Variants in B3GALT1 observed in about 807,000 individuals in gnomAD.
The protein encoded by B3GALT1 is beta-1,3-galactosyltransferase 1.
In B3GALT1, 10 loss-of-function variants were observed where a neutral mutation model predicts 23.2. That is an observed-to-expected ratio of 0.43 (90% CI 0.27 to 0.73). The LOEUF (loss-of-function observed/expected upper bound fraction) is 0.73. Ranked by LOEUF, B3GALT1 falls within the 30% of genes least tolerant of loss-of-function variation. B3GALT1 has a pLI of 0.21. For synonymous variants in B3GALT1, 156 were observed against 141.5 expected (o/e 1.10, Z -0.73); for missense variants, 299 against 405.4 (o/e 0.74, Z 2.25).
intron 3 of B3GALT1, among the ~76,000 whole-genome samples, chr2:167,750,639 T>C (rs1247436082): frequency 1.3e-5 from 2 of 150,434 alleles, no homozygotes; most frequent in South Asian, 2.1e-4. Flanking sequence ...TGACTAATCA[T>C]GAAAGTCCTT....
At chr2:167,510,361 A>AT (rs1160587738) in intron 2 of B3GALT1, among the ~76,000 whole-genome samples, 1 of 144,806 alleles carries the variant, frequency 6.9e-6, no homozygotes. Context: ...AATTTATGTG[A>AT]TTTTTTAATG....
rs562653043 is a variant in B3GALT1, at chr2:167,773,920, A to G, written c.-351-44752A>G. Among the ~76,000 whole-genome samples, 9 of 152,352 alleles carry G rather than the reference A, an allele frequency of 5.9e-5. No individual in the cohort carries two copies. The East Asian group carries it at 1.7e-3, about 29-fold the overall frequency. On this transcript the variant is annotated intron_variant, in intron 3 of 4. Coordinates refer to ENST00000392690, the MANE Select transcript of B3GALT1 (RefSeq NM_020981.4). ...TAGAGGATGGCCAGCCCAAGCCTGG[A>G]TGTGTTTTCAGTGAGCTAATTGAAA...
intron 3 of B3GALT1, among the ~76,000 whole-genome samples, chr2:167,703,496 T>C (rs1197546643): frequency 1.2e-5 from 1 of 82,876 alleles, no homozygotes; most frequent in Non-Finnish European, 2.4e-5. Context: ...ACTGAAGGAT[T>C]AAAATTAAGG....
chr2:167,450,132 T>C (rs1322317044), intron 1 of B3GALT1, among the ~76,000 whole-genome samples: 2 of 152,190 alleles, frequency 1.3e-5, no homozygotes, highest in Non-Finnish European at 2.9e-5. Context: ...GAATTCCTTC[T>C]TTCTATTTTG....
At chr2:167,624,006 A>G (rs1017389028) in intron 2 of B3GALT1, among the ~76,000 whole-genome samples, 1 of 152,022 alleles carries the variant, frequency 6.6e-6, no homozygotes, top group African/African-American at 2.4e-5. Flanking sequence ...GGTATTGGGA[A>G]GTCTTAAAGT....
intron 3 of B3GALT1, among the ~76,000 whole-genome samples, chr2:167,741,800 A>G (rs922220962): frequency 6.6e-6 from 1 of 152,204 alleles, no homozygotes; most frequent in Non-Finnish European, 1.5e-5. Flanking sequence ...AATCTTGACT[A>G]CAATAATGGA....
At chr2:167,591,569 G>A (rs1208856263) in intron 2 of B3GALT1, among the ~76,000 whole-genome samples, 1 of 152,058 alleles carries the variant, frequency 6.6e-6, no homozygotes, top group African/African-American at 2.4e-5. Flanking sequence ...TCCTGGGCTC[G>A]AGCAATCCTC....
intron 4 of B3GALT1, among the ~76,000 whole-genome samples, chr2:167,843,907 C>A (rs1193197981): frequency 1.3e-5 from 2 of 152,174 alleles, no homozygotes; most frequent in East Asian, 3.8e-4. Flanking sequence ...GACACCAAAA[C>A]TGAGGCATGT....
rs1171581522 is a variant in B3GALT1, at chr2:167,705,579, G to A, written c.-352+58613G>A. Reference sequence around the variant, plus strand: ...GAGGCTAACCTCATAAAATAAAACTGATCAGATTGTAAAGTCAGAGTCCAG... The same window carrying A: ...GAGGCTAACCTCATAAAATAAAACTAATCAGATTGTAAAGTCAGAGTCCAG... On this transcript the variant is annotated intron_variant, in intron 3 of 4. Transcript: ENST00000392690. Among the ~76,000 whole-genome samples, 16 of 152,236 alleles carry A rather than the reference G, an allele frequency of 1.1e-4. No homozygotes were observed. In the East Asian group the frequency reaches 3.1e-3, roughly 29 times the overall value.
chr2:167,364,026 T>C (rs1324726045), intron 1 of B3GALT1, among the ~76,000 whole-genome samples: 1 of 151,854 alleles, frequency 6.6e-6, no homozygotes, highest in Non-Finnish European at 1.5e-5. Context: ...TAGCCAGGCA[T>C]GGCGGCTGGC....
intron 3 of B3GALT1, among the ~76,000 whole-genome samples, chr2:167,787,457 C>T: frequency 6.6e-6 from 1 of 152,160 alleles, no homozygotes; most frequent in Non-Finnish European, 1.5e-5. Flanking sequence ...GTAGGATGTA[C>T]CAGCCAAATT....
At chr2:167,641,532 G>A (rs577208660) in intron 2 of B3GALT1, among the ~76,000 whole-genome samples, 2 of 152,274 alleles carry the variant, frequency 1.3e-5, no homozygotes, top group Admixed American at 6.5e-5. Context: ...TTAAAACAAT[G>A]TTTTGCAGCT....
intron 1 of B3GALT1, among the ~76,000 whole-genome samples, chr2:167,349,073 G>A (rs1219479795): frequency 6.6e-6 from 1 of 152,080 alleles, no homozygotes; most frequent in East Asian, 1.9e-4. Context: ...TGGTGAAATA[G>A]GTAACTGTAT....
At chr2:167,316,990 T>G (rs1696730220) in intron 1 of B3GALT1, among the ~76,000 whole-genome samples, 1 of 152,036 alleles carries the variant, frequency 6.6e-6, no homozygotes, top group South Asian at 2.1e-4. Context: ...GTTTAACAAT[T>G]TCGAGTTTCT....
At chr2:167,802,486 A>G (rs1023506400) in intron 3 of B3GALT1, among the ~76,000 whole-genome samples, 1 of 152,232 alleles carries the variant, frequency 6.6e-6, no homozygotes, top group Admixed American at 6.5e-5. Context: ...GGTCTAGAGA[A>G]TGAAAAGAAA....
intron 1 of B3GALT1, among the ~76,000 whole-genome samples, chr2:167,302,239 AT>A (rs1696460079): frequency 6.6e-6 from 1 of 152,186 alleles, no homozygotes; most frequent in Non-Finnish European, 1.5e-5. Flanking sequence ...AAATATTAAC[AT>A]TTGTTATTTT....
At chr2:167,854,844 G>A (rs929243323) in intron 4 of B3GALT1, among the ~76,000 whole-genome samples, 1 of 152,110 alleles carries the variant, frequency 6.6e-6, no homozygotes, top group African/African-American at 2.4e-5. Flanking sequence ...GCTAGTAAGG[G>A]GCAGAGCCTT....
intron 3 of B3GALT1, among the ~76,000 whole-genome samples, chr2:167,759,755 C>G (rs1427865449): frequency 2.0e-5 from 3 of 152,110 alleles, no homozygotes; most frequent in Non-Finnish European, 4.4e-5. Context: ...CGGGGAAAAA[C>G]TGAAACATGC....
chr2:167,351,653 C>T (rs1697310547), intron 1 of B3GALT1, among the ~76,000 whole-genome samples: 1 of 152,136 alleles, frequency 6.6e-6, no homozygotes, highest in Non-Finnish European at 1.5e-5. Context: ...CTGAATTTTT[C>T]ATGTGTAATG....
Sources: allele counts gnomAD v4.1 joint callset (sites outside exome capture counted in the v4.1 genomes callset), GRCh38; gene constraint gnomAD v4.1.1; transcripts MANE v1.5; gene names NCBI Gene and HGNC (gene_info 2026-07-23, HGNC 2026-07-21).